SGCG: variants seen among roughly 807,000 people sequenced by gnomAD.
SGCG encodes sarcoglycan gamma.
In SGCG, 26 loss-of-function variants were observed where a neutral mutation model predicts 29.3. That is an observed-to-expected ratio of 0.89 (90% CI 0.65 to 1.23). SGCG has a LOEUF of 1.23. Ranked by LOEUF, SGCG falls within the 50% of genes most tolerant of loss-of-function variation. The probability of loss-of-function intolerance (pLI) is 0.00; values close to 1 mark genes in which losing one functional copy is unlikely to be tolerated. For synonymous variants in SGCG, 145 were observed against 129.7 expected, an observed-to-expected ratio of 1.12 and a Z score of -0.80; for missense variants, 353 against 356.0, an observed-to-expected ratio of 0.99 and a Z score of 0.07.
chr13:23,209,478 A>G (rs530450632), intron 2 of SGCG, among the ~76,000 whole-genome samples: 113 of 152,330 alleles, frequency 7.4e-4, no homozygotes, highest in Non-Finnish European at 1.3e-3. Context: ...ATTAGATGGC[A>G]TTTTAGTGAC....
At chr13:23,258,846 C>T (rs1044973949) in intron 4 of SGCG, among the ~76,000 whole-genome samples, 1 of 151,978 alleles carries the variant, frequency 6.6e-6, no homozygotes, top group Non-Finnish European at 1.5e-5. Flanking sequence ...TGATGGATTA[C>T]GTTTAATGAT....
chr13:23,183,633 G>T (rs897574397), intron 1 of SGCG, among the ~76,000 whole-genome samples: 13 of 152,146 alleles, frequency 8.5e-5, no homozygotes, highest in East Asian at 7.7e-4. Context: ...CAACATTTTT[G>T]ATTGTAACGA....
intron 4 of SGCG, among the ~76,000 whole-genome samples, chr13:23,257,556 T>A (rs1282092213): frequency 6.6e-6 from 1 of 152,178 alleles, no homozygotes; most frequent in Non-Finnish European, 1.5e-5. Flanking sequence ...TTTAATTAGA[T>A]CCCTTTTGTC....
At chr13:23,238,859 TATAG>T (rs1879404196) in intron 3 of SGCG, among the ~76,000 whole-genome samples, 1 of 152,134 alleles carries the variant, frequency 6.6e-6, no homozygotes, top group South Asian at 2.1e-4. Context: ...AAAGTATAGC[TATAG>T]ATACTCTCCA....
At chr13:23,248,747 C>T in intron 3 of SGCG, among the ~76,000 whole-genome samples, 1 of 150,654 alleles carries the variant, frequency 6.6e-6, no homozygotes. Context: ...AATCCCAGCA[C>T]TTTGGGAGGC....
intron 2 of SGCG, among the ~76,000 whole-genome samples, chr13:23,225,225 C>T (rs1348175908): frequency 6.6e-6 from 1 of 152,182 alleles, no homozygotes; most frequent in Admixed American, 6.5e-5. Flanking sequence ...CCAAATGTTA[C>T]CTTCCATGGC....
At chr13:23,276,435 T>TTTC (rs1555242850) in intron 4 of SGCG, among the ~76,000 whole-genome samples, 1 of 133,818 alleles carries the variant, frequency 7.5e-6, no homozygotes, top group African/African-American at 2.6e-5. Flanking sequence ...AGTTTTCTTT[T>TTTC]TTTTTTTTTT....
Position 23,253,234 on chromosome 13 carries a change from C to G in SGCG, c.385+2517C>G, listed in dbSNP as rs181901207. Among the ~76,000 whole-genome samples the G allele has an allele frequency of 3.9e-4, 59 of 152,258 alleles. No individual in the cohort carries two copies. In the East Asian group the frequency reaches 9.1e-3, roughly 23 times the overall value. On this transcript the variant is annotated intron_variant, in intron 4 of 7. Coordinates refer to ENST00000218867, the MANE Select transcript of SGCG (RefSeq NM_000231.3). ...TACACTCCAGCTTGGGTGAGAAAGT[C>G]AGACCATCTCTAAAAATAAAAATAA...
intron 6 of SGCG, among the ~76,000 whole-genome samples, chr13:23,297,225 C>CTTTTT (rs1326637455): frequency 8.3e-6 from 1 of 120,274 alleles, no homozygotes; most frequent in African/African-American, 2.8e-5. Context: ...CACAGACAAT[C>CTTTTT]TTTTATTTTT....
the SGCG span, among the ~76,000 whole-genome samples, chr13:23,164,198 C>G: frequency 6.6e-6 from 1 of 152,122 alleles, no homozygotes; most frequent in Non-Finnish European, 1.5e-5. Flanking sequence ...GTTTATAACT[C>G]CCCTTAATCC....
At chr13:23,290,874 A>G (rs2137636526) in intron 5 of SGCG, among the ~76,000 whole-genome samples, 1 of 152,332 alleles carries the variant, frequency 6.6e-6, no homozygotes, top group East Asian at 1.9e-4. Context: ...GTATGTTGCA[A>G]AGAATGGAAC....
At chr13:23,226,166 T>C (rs1878887299) in intron 2 of SGCG, among the ~76,000 whole-genome samples, 1 of 152,208 alleles carries the variant, frequency 6.6e-6, no homozygotes, top group African/African-American at 2.4e-5. Context: ...ATCAAACTAT[T>C]ACTACAAGAC....
intron 3 of SGCG, among the ~76,000 whole-genome samples, chr13:23,249,082 T>C (rs746308139): frequency 5.3e-5 from 8 of 152,150 alleles, no homozygotes; most frequent in Non-Finnish European, 8.8e-5. Context: ...ATGTTACTAG[T>C]AAAATCTTGC....
At chr13:23,250,789 T>C (rs1879934677) in intron 4 of SGCG, 72 bp downstream of exon 4, 1 of 902,804 alleles carries the variant, frequency 1.1e-6, no homozygotes. Flanking sequence ...TGCATTGTTT[T>C]TTCTTCTAAA....
intron 1 of SGCG, among the ~76,000 whole-genome samples, chr13:23,202,042 G>A (rs933323898): frequency 1.3e-5 from 2 of 152,226 alleles, no homozygotes; most frequent in African/African-American, 4.8e-5. Flanking sequence ...ACCAGCAGGG[G>A]CAGACCAAGT....
chr13:23,312,676 C>T (rs1483264210), intron 6 of SGCG, among the ~76,000 whole-genome samples: 1 of 152,178 alleles, frequency 6.6e-6, no homozygotes, highest in South Asian at 2.1e-4. Flanking sequence ...CAATGGTTAA[C>T]TGAAAGCCCA....
chr13:23,288,584 C>T (rs1434349867), intron 5 of SGCG, among the ~76,000 whole-genome samples: 1 of 152,208 alleles, frequency 6.6e-6, no homozygotes, highest in Non-Finnish European at 1.5e-5. Flanking sequence ...TAAACAATTT[C>T]AGCAGTTCAG....
intron 1 of SGCG, among the ~76,000 whole-genome samples, chr13:23,201,454 T>C (rs973086395): frequency 1.3e-5 from 2 of 151,968 alleles, no homozygotes; most frequent in Non-Finnish European, 2.9e-5. Flanking sequence ...CCCAGTGTTA[T>C]CACGGGGGTC....
chr13:23,311,988 G>T (rs188927544), intron 6 of SGCG, among the ~76,000 whole-genome samples: 224 of 152,212 alleles, frequency 1.5e-3, no homozygotes, highest in African/African-American at 5.1e-3. Context: ...CCTTATAGAA[G>T]AAGGTGAGCC....
Sources: gnomAD v4.1 joint callset for allele counts (sites outside exome capture counted in the v4.1 genomes callset) on GRCh38, gnomAD v4.1.1 for gene constraint, MANE v1.5 for transcripts, NCBI Gene and HGNC (gene_info 2026-07-23, HGNC 2026-07-21) for gene names.